CAMTA1: variants seen among roughly 807,000 people sequenced by gnomAD.
CAMTA1 encodes calmodulin-binding transcription activator 1.
A neutral mutation model predicts 170.9 loss-of-function variants in CAMTA1; 27 were observed. The observed-to-expected ratio is 0.16, with a 90% CI of 0.12 to 0.22. CAMTA1 has a LOEUF of 0.22. Among genes scored for constraint, CAMTA1 ranks in the 10% least tolerant of loss-of-function variants. CAMTA1 has a pLI of 1.00. For missense variants in CAMTA1, 1,619 were observed against 2,217.2 expected (o/e 0.73, Z 5.42); for synonymous variants, 833 against 891.5 (o/e 0.93, Z 1.17).
chr1:7,005,731 T>C (rs1301517422), intron 3 of CAMTA1, among the ~76,000 whole-genome samples: 1 of 152,226 alleles, frequency 6.6e-6, no homozygotes, highest in Non-Finnish European at 1.5e-5. Flanking sequence ...TTGGGAAGGC[T>C]TCCTCGAGGG....
chr1:7,508,326 C>T (rs999031568), intron 6 of CAMTA1, among the ~76,000 whole-genome samples: 2 of 152,196 alleles, frequency 1.3e-5, no homozygotes, highest in Admixed American at 6.5e-5. Context: ...TCGGAAGAGG[C>T]GCTTCAGAGG....
chr1:6,916,881 A>G (rs550413558), intron 3 of CAMTA1, among the ~76,000 whole-genome samples: 2 of 152,302 alleles, frequency 1.3e-5, no homozygotes, highest in South Asian at 2.1e-4. Context: ...TGTGGACCTG[A>G]GCTTGCCGTG....
intron 5 of CAMTA1, among the ~76,000 whole-genome samples, chr1:7,459,404 T>C (rs1223884990): frequency 6.6e-6 from 1 of 152,190 alleles, no homozygotes; most frequent in Non-Finnish European, 1.5e-5. Context: ...TGGGGAGCAA[T>C]AGGGCTGCTT....
rs1255050430 is a variant in CAMTA1 at position 7,482,770 on chromosome 1, C to T, written c.510+14869C>T. 6.6e-6 allele frequency among the ~76,000 whole-genome samples: 1 copy of T among 152,206 alleles called. No individual in the cohort carries two copies. The highest frequency in any genetic ancestry group is 6.5e-5 in the Admixed American group (1 of 15,286). Reference sequence around the variant, plus strand: ...ACACTGTCGGTTCCAAAGAAATGAGCTCCCATGGGGTCTCATTTTGCCCTA... The same window carrying T: ...ACACTGTCGGTTCCAAAGAAATGAGTTCCCATGGGGTCTCATTTTGCCCTA... On this transcript the variant is annotated intron_variant, in intron 6 of 22. Coordinates refer to ENST00000303635, the MANE Select transcript of CAMTA1 (RefSeq NM_015215.4). This position sits in a 1 kb window ranked among gnomAD's most constrained non-coding sequence, Gnocchi z 4.2.
At chr1:7,686,716 A>AG (rs1477923461) in intron 11 of CAMTA1, among the ~76,000 whole-genome samples, 1 of 152,184 alleles carries the variant, frequency 6.6e-6, no homozygotes, top group East Asian at 1.9e-4. Flanking sequence ...AGACTACTCC[A>AG]GGGCTCTTGC....
chr1:7,357,545 A>G (rs1488588712), intron 5 of CAMTA1, among the ~76,000 whole-genome samples: 1 of 152,098 alleles, frequency 6.6e-6, no homozygotes, highest in Admixed American at 6.5e-5. Context: ...TCATTCTTTC[A>G]TTTAATACAT....
At chr1:7,042,474 G>A (rs570957979) in intron 3 of CAMTA1, among the ~76,000 whole-genome samples, 1 of 152,316 alleles carries the variant, frequency 6.6e-6, no homozygotes, top group East Asian at 1.9e-4. Flanking sequence ...TGGTGGTGGC[G>A]CTGAGATCGC....
intron 22 of CAMTA1, among the ~76,000 whole-genome samples, chr1:7,764,446 T>C (rs1268692661): frequency 6.6e-6 from 1 of 152,236 alleles, no homozygotes; most frequent in African/African-American, 2.4e-5. Flanking sequence ...GATAACATCA[T>C]AAAGCTTTTC....
chr1:7,268,743 T>C (rs1210744456), intron 5 of CAMTA1, among the ~76,000 whole-genome samples: 1 of 152,210 alleles, frequency 6.6e-6, no homozygotes, highest in Admixed American at 6.5e-5. Flanking sequence ...CAGTATATCA[T>C]TCACAATGCC....
chr1:7,094,701 C>T lies in CAMTA1; in HGVS notation c.302+3330C>T, dbSNP rs76524680. 5.9e-5 allele frequency among the ~76,000 whole-genome samples: 9 copies of T among 152,216 alleles called. No homozygotes were observed. The East Asian group carries it at 9.7e-4, about 16-fold the overall frequency. On this transcript the variant is annotated intron_variant, in intron 4 of 22. Coordinates refer to ENST00000303635, the MANE Select transcript of CAMTA1 (RefSeq NM_015215.4). ...CTGTTTAATAATGAGGTGTGCTACA[C>T]GGAGGCTCCCAGGGCTGGGGACCCT...
In CAMTA1 at chr1:7,682,773, C is replaced by A. The variant is rs1410146544; in HGVS notation, c.2914+5040C>A. Reference sequence around the variant, plus strand: ...TTTCTGCTGAGTGGGCCTGGGCCGGCCGCTCCTAGGCTGGCTCCCTCCCTC... The same window carrying A: ...TTTCTGCTGAGTGGGCCTGGGCCGGACGCTCCTAGGCTGGCTCCCTCCCTC... On this transcript the variant is annotated intron_variant, in intron 11 of 22. Coordinates refer to ENST00000303635, the MANE Select transcript of CAMTA1 (RefSeq NM_015215.4). The surrounding 1 kb of genome is among the most constrained non-coding windows in gnomAD (Gnocchi z 5.0). 2.0e-5 allele frequency among the ~76,000 whole-genome samples: 3 copies of A among 152,246 alleles called. No homozygotes were observed. Among genetic ancestry groups the A allele is most frequent in the Non-Finnish European group, 2.9e-5 (2 of 68,036 alleles).
At chr1:7,452,909 A>T (rs1557739414) in intron 5 of CAMTA1, among the ~76,000 whole-genome samples, 1 of 152,156 alleles carries the variant, frequency 6.6e-6, no homozygotes, top group Non-Finnish European at 1.5e-5. Flanking sequence ...TGCTAATCCT[A>T]TGTTTAACTT....
At chr1:7,130,932 T>G (rs1186593589) in intron 4 of CAMTA1, among the ~76,000 whole-genome samples, 1 of 152,150 alleles carries the variant, frequency 6.6e-6, no homozygotes, top group Non-Finnish European at 1.5e-5. Flanking sequence ...ACAGATATTT[T>G]CTGAGTTTGT....
At chr1:7,167,917 T>C (rs746481873) in intron 4 of CAMTA1, among the ~76,000 whole-genome samples, 1 of 151,930 alleles carries the variant, frequency 6.6e-6, no homozygotes, top group Non-Finnish European at 1.5e-5. Flanking sequence ...CCCAGCTAAT[T>C]TTTACCTTTT....
chr1:7,313,577 T>C (rs1677061821), intron 5 of CAMTA1, among the ~76,000 whole-genome samples: 1 of 152,142 alleles, frequency 6.6e-6, no homozygotes, highest in Admixed American at 6.5e-5. Context: ...ACATCAAACC[T>C]AGAATTGGTA....
chr1:7,283,380 G>A (rs1051017630), intron 5 of CAMTA1, among the ~76,000 whole-genome samples: 3 of 152,036 alleles, frequency 2.0e-5, no homozygotes, highest in African/African-American at 4.8e-5. Context: ...TTCCTTTCCC[G>A]CTCTCTACTT....
intron 4 of CAMTA1, among the ~76,000 whole-genome samples, chr1:7,136,552 A>G (rs1645557156): frequency 1.3e-5 from 2 of 151,594 alleles, no homozygotes; most frequent in South Asian, 2.1e-4. Flanking sequence ...TCTTATTGCT[A>G]CTGCCTGTCT....
chr1:7,673,139 C>T lies in CAMTA1; in HGVS notation c.2779+2102C>T, dbSNP rs1410724200. ...GATGCCACTTCCTGTACCTGGTTCT[C>T]GCCTGGCTAAGGACCAGGGCAGGGC... On this transcript the variant is annotated intron_variant, in intron 10 of 22. Transcript: ENST00000303635. The surrounding 1 kb of genome is among the most constrained non-coding windows in gnomAD (Gnocchi z 4.6). Among the ~76,000 whole-genome samples, 4 of 152,338 alleles carry T rather than the reference C, an allele frequency of 2.6e-5. No homozygotes were observed. The highest frequency in any genetic ancestry group is 3.9e-4 in the East Asian group (2 of 5,166).
rs2101840302 is a variant in CAMTA1 at position 7,067,862 on chromosome 1, G to T, written c.235-23442G>T. Among the ~76,000 whole-genome samples, 1 of 152,314 alleles carries T rather than the reference G, an allele frequency of 6.6e-6. No homozygotes were observed. The highest frequency in any genetic ancestry group is 1.9e-4 in the East Asian group (1 of 5,184). ...TCAGTGATTGGTTTAGGGGCGGCCT[G>T]TAACTCAGTTATTGCCAGTGAGATG... On this transcript the variant is annotated intron_variant, in intron 3 of 22. Coordinates refer to ENST00000303635, the MANE Select transcript of CAMTA1 (RefSeq NM_015215.4). The surrounding 1 kb of genome is among the most constrained non-coding windows in gnomAD (Gnocchi z 4.3).
Sources: gnomAD v4.1 joint callset for allele counts (sites outside exome capture counted in the v4.1 genomes callset) on GRCh38, gnomAD v4.1.1 for gene constraint, Gnocchi (gnomAD v3.1) non-coding constraint, MANE v1.5 for transcripts, NCBI Gene and HGNC (gene_info 2026-07-23, HGNC 2026-07-21) for gene names.